Variants in EFCAB7 observed in about 807,000 individuals in gnomAD.
EFCAB7 encodes EF-hand calcium binding domain 7, also known as EF-hand calcium-binding domain-containing protein 7.
Under a neutral mutation model 77.1 loss-of-function variants are expected in EFCAB7, and 66 were observed. The ratio of observed to expected loss-of-function variants is 0.86; its 90% CI spans 0.70 to 1.05. The LOEUF (loss-of-function observed/expected upper bound fraction) is 1.05, where lower values mean the gene tolerates loss of function less well. Ranked by LOEUF, EFCAB7 falls within the 50% of genes least tolerant of loss-of-function variation. The pLI, the probability that EFCAB7 is intolerant of heterozygous loss-of-function variation, is 0.00. For synonymous variants in EFCAB7, 225 were observed against 243.3 expected (o/e 0.92, Z 0.70); for missense variants, 638 against 730.5 (o/e 0.87, Z 1.46).
At chr1:63,577,524 T>A (rs1483766174), downstream of EFCAB7, among the ~76,000 whole-genome samples, 1 of 152,198 alleles carries the variant, frequency 6.6e-6, no homozygotes, top group African/African-American at 2.4e-5. Flanking sequence ...TCTGCCTTTT[T>A]AAATATCCAT....
intron 6 of EFCAB7, among the ~76,000 whole-genome samples, chr1:63,535,106 CTTAG>C (rs1052251620): frequency 4.0e-5 from 6 of 151,814 alleles, no homozygotes; most frequent in African/African-American, 1.2e-4. Context: ...ATAAAATTAA[CTTAG>C]TTAAATAATT....
chr1:63,582,173 A>T, the EFCAB7 span, among the ~76,000 whole-genome samples: 327 of 152,316 alleles, frequency 2.1e-3, no homozygotes, highest in African/African-American at 7.6e-3. Flanking sequence ...CATAGTTCTT[A>T]TGTATTTTTC....
intron 1 of EFCAB7, among the ~76,000 whole-genome samples, chr1:63,525,119 G>A (rs898362901): frequency 1.3e-5 from 2 of 152,028 alleles, no homozygotes; most frequent in East Asian, 1.9e-4. Context: ...CACTTACTAC[G>A]TGTCAAGCAA....
intron 8 of EFCAB7, among the ~76,000 whole-genome samples, chr1:63,553,306 T>C (rs1228783052): frequency 6.6e-6 from 1 of 152,160 alleles, no homozygotes; most frequent in Admixed American, 6.5e-5. Flanking sequence ...GTTATGCTTT[T>C]CAAAGGATGG....
the EFCAB7 span, among the ~76,000 whole-genome samples, chr1:63,579,346 T>G: frequency 2.0e-5 from 3 of 152,226 alleles, no homozygotes; most frequent in African/African-American, 7.2e-5. Context: ...ACTGAATCCT[T>G]TTATTCAGCA....
intron 7 of EFCAB7, chr1:63,549,227 G>A (rs1308405020): frequency 2.4e-6 from 1 of 413,026 alleles, no homozygotes; most frequent in Non-Finnish European, 4.8e-6. Context: ...ATGAGATTAA[G>A]GTTTAATAAT....
At chr1:63,565,387 T>A (rs987921163) in intron 11 of EFCAB7, among the ~76,000 whole-genome samples, 23 of 150,144 alleles carry the variant, frequency 1.5e-4, no homozygotes, top group African/African-American at 4.1e-4. Context: ...AACAAAAAAA[T>A]TTTAAGATAA....
the EFCAB7 span, among the ~76,000 whole-genome samples, chr1:63,581,214 A>G: frequency 6.6e-6 from 1 of 152,046 alleles, no homozygotes; most frequent in African/African-American, 2.4e-5. Context: ...ATGTTTTTGT[A>G]GATGCCCTTA....
downstream of EFCAB7, among the ~76,000 whole-genome samples, chr1:63,575,316 AAGTC>A (rs894667851): frequency 2.0e-5 from 3 of 152,010 alleles, no homozygotes; most frequent in South Asian, 2.1e-4. Flanking sequence ...TTTTTTAAAA[AAGTC>A]AGTGGCCTTT....
At chr1:63,546,134 A>G in intron 7 of EFCAB7, 77 bp downstream of exon 7, 1 of 1,446,002 alleles carries the variant, frequency 6.9e-7, no homozygotes, top group Non-Finnish European at 9.4e-7. Flanking sequence ...AGTATTCCAT[A>G]GTCCTAGTTA....
At chr1:63,568,118 A>C (rs562475489) in intron 11 of EFCAB7, among the ~76,000 whole-genome samples, 192 bp from the exon 12 acceptor site, 1 of 152,290 alleles carries the variant, frequency 6.6e-6, no homozygotes, top group African/African-American at 2.4e-5. Flanking sequence ...GAACATTATC[A>C]GTTAATATGC....
chr1:63,584,198 G>T, the EFCAB7 span, among the ~76,000 whole-genome samples: 1 of 152,162 alleles, frequency 6.6e-6, no homozygotes, highest in Non-Finnish European at 1.5e-5. Context: ...AGCAAACAGT[G>T]GAAGATGGAT....
At chr1:63,576,916 G>A (rs1329399780), downstream of EFCAB7, among the ~76,000 whole-genome samples, 7 of 151,914 alleles carry the variant, frequency 4.6e-5, no homozygotes, top group African/African-American at 1.7e-4. Flanking sequence ...TTGAGAGGCC[G>A]AGGCAGGCGG....
At chr1:63,539,518 A>G (rs1257403975) in intron 6 of EFCAB7, among the ~76,000 whole-genome samples, 1 of 152,254 alleles carries the variant, frequency 6.6e-6, no homozygotes, top group Non-Finnish European at 1.5e-5. Context: ...AATGTGAAAT[A>G]GAACAGAACT....
Position 63,555,376 on chromosome 1 carries a change from G to GA in EFCAB7, c.1077dup (p.Leu360ThrfsTer16). 1 of 1,612,364 alleles carries GA rather than the reference G, an allele frequency of 6.2e-7. No homozygotes were observed. The highest frequency in any genetic ancestry group is 8.5e-7 in the Non-Finnish European group (1 of 1,179,118). Reference sequence around the variant, plus strand: ...AGAAAAGGTGTTTGGATGGACTGGTGAACTAGGACCTGGAATTTACTGGTT... The same window carrying GA: ...AGAAAAGGTGTTTGGATGGACTGGTGAAACTAGGACCTGGAATTTACTGGTT... On this transcript the variant is annotated frameshift_variant, in exon 9 of 14. Transcript: ENST00000371088. LOFTEE classifies it high-confidence loss of function.
intron 2 of EFCAB7, among the ~76,000 whole-genome samples, chr1:63,527,615 A>G (rs1022581813): frequency 9.2e-5 from 14 of 152,212 alleles, no homozygotes; most frequent in Admixed American, 6.5e-4. Flanking sequence ...CAGCTACGTG[A>G]TATTTTTACT....
chr1:63,555,490 G>T lies in EFCAB7; in HGVS notation c.1189G>T (p.Glu397Ter), dbSNP rs1647020358. The stretch of plus-strand genomic sequence containing the variant: ...ACTTGTATATAGAGATGAAACAGGG[G>T]AATTATTCCTTACAAAGGAATTTAA... ...AQLVYRDETG[E>*]LFLTKEFKST... Residue 397 changes from glutamate (E) to a stop codon, truncating the protein, a stop_gained, in exon 9 of 14, where the codon GAA becomes TAA. Transcript: ENST00000371088. LOFTEE classifies it high-confidence loss of function. 6.2e-7 allele frequency: 1 copy of T among 1,612,472 alleles called. No individual in the cohort carries two copies. Among genetic ancestry groups the T allele is most frequent in the Non-Finnish European group, 8.5e-7 (1 of 1,179,356 alleles).
intron 11 of EFCAB7, among the ~76,000 whole-genome samples, chr1:63,566,898 A>G (rs528726388): frequency 5.3e-5 from 8 of 149,578 alleles, no homozygotes; most frequent in Non-Finnish European, 1.2e-4. Context: ...TATTTATTTT[A>G]TATTATTAAA....
At chr1:63,530,734 A>G (rs1304927040) in intron 2 of EFCAB7, among the ~76,000 whole-genome samples, 1 of 152,202 alleles carries the variant, frequency 6.6e-6, no homozygotes, top group Non-Finnish European at 1.5e-5. Flanking sequence ...CTTTATGTGC[A>G]TATATTTGAC....
Sources: allele counts gnomAD v4.1 joint callset (sites outside exome capture counted in the v4.1 genomes callset), GRCh38; gene constraint gnomAD v4.1.1; transcripts MANE v1.5; gene names NCBI Gene and HGNC (gene_info 2026-07-23, HGNC 2026-07-21).